The following NRG3 variants were observed in gnomAD, a reference collection of about 807,000 sequenced individuals.
NRG3 encodes the protein neuregulin 3.
NRG3 carries 31 observed loss-of-function variants against 66.9 expected under a neutral mutation model. That is an observed-to-expected ratio of 0.46 (90% CI 0.35 to 0.63). The LOEUF is 0.63. Ranked by LOEUF, NRG3 falls within the 20% of genes least tolerant of loss-of-function variation. The pLI is 0.00. For missense variants in NRG3, 910 were observed against 878.9 expected (o/e 1.04, Z -0.45); for synonymous variants, 393 against 359.4 (o/e 1.09, Z -1.06).
intron 2 of NRG3, among the ~76,000 whole-genome samples, chr10:82,674,724 G>C (rs2053542090): frequency 6.6e-6 from 1 of 152,030 alleles, no homozygotes; most frequent in South Asian, 2.1e-4. Flanking sequence ...CGAAGTCTCA[G>C]ATCTCTCAGA....
intron 4 of NRG3, among the ~76,000 whole-genome samples, chr10:82,946,958 A>G (rs1300813240): frequency 1.3e-5 from 2 of 152,088 alleles, no homozygotes; most frequent in African/African-American, 4.8e-5. Flanking sequence ...TTTTGCAGCT[A>G]TAGTTGACAT....
intron 2 of NRG3, among the ~76,000 whole-genome samples, chr10:82,529,752 T>TA (rs1255091723): frequency 6.6e-6 from 1 of 152,102 alleles, no homozygotes; most frequent in African/African-American, 2.4e-5. Context: ...AGCATCTACT[T>TA]AAAAAAATCA....
intron 1 of NRG3, among the ~76,000 whole-genome samples, chr10:82,200,180 G>A (rs1589291321): frequency 6.6e-6 from 1 of 152,256 alleles, no homozygotes; most frequent in Non-Finnish European, 1.5e-5. Context: ...TGCATTCTTA[G>A]CATTGTGCTA....
intron 6 of NRG3, among the ~76,000 whole-genome samples, chr10:82,963,752 T>G (rs7098440): frequency 6.6e-6 from 1 of 152,348 alleles, no homozygotes; most frequent in East Asian, 1.9e-4. Flanking sequence ...TTCTTTTTAT[T>G]ACAAATTCCA....
chr10:82,191,223 T>A (rs971706570), intron 1 of NRG3, among the ~76,000 whole-genome samples: 1 of 152,144 alleles, frequency 6.6e-6, no homozygotes, highest in Non-Finnish European at 1.5e-5. Flanking sequence ...ATGCACAACA[T>A]CTGCTGAATC....
chr10:82,811,589 C>T (rs1421327297), intron 3 of NRG3, among the ~76,000 whole-genome samples: 2 of 152,190 alleles, frequency 1.3e-5, no homozygotes, highest in Non-Finnish European at 2.9e-5. Flanking sequence ...TGGGAATACA[C>T]CAATTTGGGC....
intron 2 of NRG3, among the ~76,000 whole-genome samples, chr10:82,459,188 A>T (rs140886342): frequency 6.6e-6 from 1 of 152,320 alleles, no homozygotes; most frequent in Non-Finnish European, 1.5e-5. Context: ...ACCGTGAGCC[A>T]CATCTTCCAT....
Position 82,502,874 on chromosome 10 carries a change from A to T in NRG3, c.953+144006A>T, listed in dbSNP as rs143924690. ...TAGATCCTCTGAATCAGACAATTCT[A>T]GGTCTTAGTATGTGAAATGCACATA... is the stretch of plus-strand genomic sequence containing the variant. On this transcript the variant is annotated intron_variant, in intron 2 of 8. Transcript: ENST00000372141. Among the ~76,000 whole-genome samples, 574 of 152,302 alleles carry T rather than the reference A, an allele frequency of 3.8e-3. 1 individual carries two copies. The highest frequency in any genetic ancestry group is 0.013 in the African/African-American group (543 of 41,568).
intron 2 of NRG3, among the ~76,000 whole-genome samples, chr10:82,439,596 ATATT>A (rs1230892716): frequency 2.6e-5 from 4 of 152,028 alleles, no homozygotes; most frequent in African/African-American, 9.7e-5. Context: ...TGGAAAATTG[ATATT>A]TATTACTTAA....
At chr10:82,647,807 G>C (rs2051067054) in intron 2 of NRG3, among the ~76,000 whole-genome samples, 1 of 151,856 alleles carries the variant, frequency 6.6e-6, no homozygotes, top group Non-Finnish European at 1.5e-5. Flanking sequence ...GTCTTCTTTT[G>C]AGAAGTGTCT....
At chr10:81,876,235 C>T (rs1194167274) in intron 1 of NRG3, 72 bp downstream of exon 1, 2 of 1,492,330 alleles carry the variant, frequency 1.3e-6, no homozygotes, top group East Asian at 4.9e-5. Flanking sequence ...GTCTTTTTCC[C>T]TCGCCGCCTG....
intron 1 of NRG3, among the ~76,000 whole-genome samples, chr10:81,922,390 C>G (rs1279423551): frequency 6.6e-6 from 1 of 152,154 alleles, no homozygotes; most frequent in East Asian, 1.9e-4. Context: ...TAAGTAATTT[C>G]TCATTCCTTA....
intron 1 of NRG3, among the ~76,000 whole-genome samples, chr10:81,944,512 A>G (rs774806136): frequency 1.6e-4 from 24 of 152,184 alleles, no homozygotes; most frequent in Non-Finnish European, 2.6e-4. Flanking sequence ...ATACATGGGG[A>G]AAATGTTGTT....
intron 1 of NRG3, among the ~76,000 whole-genome samples, chr10:81,975,238 C>T (rs548136701): frequency 1.7e-4 from 26 of 151,962 alleles, no homozygotes; most frequent in Non-Finnish European, 3.5e-4. Context: ...AGAAACAATC[C>T]CCTATATCAG....
intron 4 of NRG3, among the ~76,000 whole-genome samples, chr10:82,897,816 T>A (rs1026420053): frequency 6.6e-6 from 1 of 152,262 alleles, no homozygotes; most frequent in East Asian, 1.9e-4. Flanking sequence ...CACTGCGCCC[T>A]GCTAGAACTA....
chr10:82,483,392 G>T (rs956829038), intron 2 of NRG3, among the ~76,000 whole-genome samples: 1 of 152,190 alleles, frequency 6.6e-6, no homozygotes, highest in East Asian at 1.9e-4. Flanking sequence ...CAGCTTCCTT[G>T]CTTGGTCATC....
intron 3 of NRG3, among the ~76,000 whole-genome samples, chr10:82,778,198 G>A (rs2059980277): frequency 1.3e-5 from 2 of 152,174 alleles, no homozygotes; most frequent in Non-Finnish European, 2.9e-5. Context: ...CTTAGGGACT[G>A]AGTGCTGCAT....
At chr10:82,657,565 G>C (rs2051966788) in intron 2 of NRG3, among the ~76,000 whole-genome samples, 1 of 151,960 alleles carries the variant, frequency 6.6e-6, no homozygotes, top group Non-Finnish European at 1.5e-5. Context: ...GCTGCAAGTT[G>C]TGTAACTTGC....
chr10:82,710,586 CAAAA>C (rs59857324), intron 2 of NRG3, among the ~76,000 whole-genome samples: 13 of 73,756 alleles, frequency 1.8e-4, no homozygotes, highest in African/African-American at 6.5e-4. Context: ...GACTCCATCT[CAAAA>C]AAAAAAAAAA....
Sources: allele counts gnomAD v4.1 joint callset (sites outside exome capture counted in the v4.1 genomes callset), GRCh38; gene constraint gnomAD v4.1.1; transcripts MANE v1.5; gene names NCBI Gene and HGNC (gene_info 2026-07-23, HGNC 2026-07-21).